Variants in PON2 observed in about 807,000 individuals in gnomAD.
PON2 encodes the protein paraoxonase 2.
A neutral mutation model predicts 36.6 loss-of-function variants in PON2; 27 were observed. That is an observed-to-expected ratio of 0.74 (90% CI 0.54 to 1.02). The LOEUF (loss-of-function observed/expected upper bound fraction) is 1.02. Among genes scored for constraint, PON2 ranks in the 50% least tolerant of loss-of-function variants. PON2 has a pLI of 0.00. For missense variants in PON2, 363 were observed against 421.1 expected (o/e 0.86, Z 1.21); for synonymous variants, 149 against 156.3 (o/e 0.95, Z 0.35).
intron 1 of PON2, 146 bp downstream of exon 1, chr7:95,434,732 G>GTTC: frequency 1.2e-6 from 1 of 804,074 alleles, no homozygotes; most frequent in Non-Finnish European, 1.9e-6. Flanking sequence ...CTAGCTGGGG[G>GTTC]AGGGACAGCA....
At chr7:95,417,268 G>C (rs1789083462) in intron 2 of PON2, among the ~76,000 whole-genome samples, 1 of 152,106 alleles carries the variant, frequency 6.6e-6, no homozygotes, top group Non-Finnish European at 1.5e-5. Flanking sequence ...CTCCAGTGTT[G>C]CTTGCTCCAT....
intron 2 of PON2, among the ~76,000 whole-genome samples, chr7:95,417,727 C>CACACACACACACACACACACT (rs1562788872): frequency 1.6e-3 from 129 of 80,254 alleles, no homozygotes; most frequent in African/African-American, 6.4e-3. Flanking sequence ...ACACACACAC[C>CACACACACACACACACACACT]GAGAGAGAAT....
rs1410148988 is a variant in PON2, at chr7:95,412,465, G to A, written c.214C>T (p.Pro72Ser). ...LAFFSVGLKF[P>S]GLHSFAPDKP... The stretch of plus-strand genomic sequence containing the variant: ...TCTGGTGCAAAGCTGTGGAGTCCTG[G>A]GAATTTTAGACCCTTTCCAAAACGG... The change falls in exon 4 of 9, where the codon CCA (proline) becomes TCA (serine). Residue 72 changes from proline to serine, a missense_variant. Physicochemically the swap from Pro to Ser is moderately conservative, Grantham distance 74. Transcript: ENST00000222572. The A allele has an allele frequency of 6.2e-7, 1 of 1,613,948 alleles. No homozygotes were observed. Among genetic ancestry groups the A allele is most frequent in the Non-Finnish European group, 8.5e-7 (1 of 1,179,928 alleles).
At position 95,420,538 on chromosome 7, in the gene PON2, T is replaced by C. The variant is rs369544381; in HGVS notation, c.145+3977A>G. On this transcript the variant is annotated intron_variant, in intron 2 of 8. Coordinates refer to ENST00000222572, the MANE Select transcript of PON2 (RefSeq NM_000305.3). ...ACCCACAGAAGGCACACATCCTGTA[T>C]GATATGTAGTCAATAACTATGATTT... Among the ~76,000 whole-genome samples, 73 of 152,352 alleles carry C rather than the reference T, an allele frequency of 4.8e-4. 1 individual carries two copies. The highest frequency in any genetic ancestry group is 1.7e-3 in the African/African-American group (72 of 41,578).
chr7:95,430,343 C>T (rs1172986668), intron 1 of PON2, among the ~76,000 whole-genome samples: 6 of 151,100 alleles, frequency 4.0e-5, no homozygotes, highest in Non-Finnish European at 7.4e-5. Context: ...GACAGAGTCT[C>T]GCTCTGTTGC....
intron 6 of PON2, among the ~76,000 whole-genome samples, chr7:95,408,582 C>G (rs1033536350): frequency 2.6e-5 from 4 of 152,114 alleles, no homozygotes; most frequent in African/African-American, 9.7e-5. Flanking sequence ...TGGATCAGGT[C>G]AGTTAGAGAC....
At chr7:95,427,891 G>T (rs1396206115) in intron 1 of PON2, among the ~76,000 whole-genome samples, 1 of 152,176 alleles carries the variant, frequency 6.6e-6, no homozygotes, top group Non-Finnish European at 1.5e-5. Flanking sequence ...AAATCTAAAA[G>T]TATTCATGTA....
At position 95,421,352 on chromosome 7, in the gene PON2, G is replaced by C. The variant is rs1468728594; in HGVS notation, c.145+3163C>G. On this transcript the variant is annotated intron_variant, in intron 2 of 8. Transcript: ENST00000222572. ...ACTCTGAGACTTGTATTCACAGAAG[G>C]TGGGCTTCCCAGGGCCAAGGGCTGT... Among the ~76,000 whole-genome samples, 5 of 152,218 alleles carry C rather than the reference G, an allele frequency of 3.3e-5. No individual in the cohort carries two copies. In the South Asian group the frequency reaches 1.0e-3, roughly 31 times the overall value.
chr7:95,416,200 G>A, intron 3 of PON2, 42 bp downstream of exon 3: 6 of 1,611,144 alleles, frequency 3.7e-6, no homozygotes, highest in Non-Finnish European at 5.1e-6. Context: ...AAATACCCTT[G>A]TATCTCCTCT....
At position 95,407,166 on chromosome 7, in the gene PON2, A is replaced by T. The variant is rs1434685373; in HGVS notation, c.696-98T>A. The T allele has an allele frequency of 2.1e-5, 16 of 777,910 alleles. No homozygotes were observed. In the East Asian group the frequency reaches 4.3e-4, roughly 21 times the overall value. The allele number at this position is 777,910 out of a possible 1,614,324, so 48.2% of individuals were successfully genotyped here. A position where few individuals can be genotyped will look rare whatever the true frequency, so the allele number is the denominator to read the frequency against. ...AGTCTTAATAACCTGCCAAGAAGTT[A>T]ATCAATCATGGGCCCTCAAGGAATG... On this transcript the variant is annotated intron_variant, in intron 6 of 8. Coordinates refer to ENST00000222572, the MANE Select transcript of PON2 (RefSeq NM_000305.3).
chr7:95,408,147 T>C (rs988062016), intron 6 of PON2, among the ~76,000 whole-genome samples: 1 of 152,240 alleles, frequency 6.6e-6, no homozygotes, highest in African/African-American at 2.4e-5. Context: ...TGTTCCACAA[T>C]TCCTGAGCAT....
intron 1 of PON2, among the ~76,000 whole-genome samples, chr7:95,428,858 G>A (rs1789373323): frequency 6.6e-6 from 1 of 152,172 alleles, no homozygotes; most frequent in South Asian, 2.1e-4. Flanking sequence ...CATTTATTGA[G>A]CTGACTGTGC....
chr7:95,426,523 C>T (rs537234500), intron 1 of PON2, among the ~76,000 whole-genome samples: 1 of 152,194 alleles, frequency 6.6e-6, no homozygotes, highest in South Asian at 2.1e-4. Context: ...GCAACTTAGC[C>T]AGAAGTGCTG....
Position 95,410,016 on chromosome 7 carries a change from C to T in PON2, c.580G>A (p.Glu194Lys), listed in dbSNP as rs1405844472. 6.2e-7 allele frequency: 1 copy of T among 1,613,362 alleles called. No individual in the cohort carries two copies. The highest frequency in any genetic ancestry group is 1.3e-5 in the African/African-American group (1 of 74,862). Residue 194 changes from glutamate (E) to lysine (K), a missense_variant, in exon 6 of 9, where the codon GAA becomes AAA. Physicochemically the swap from Glu to Lys is moderately conservative, Grantham distance 56. Coordinates refer to ENST00000222572, the MANE Select transcript of PON2 (RefSeq NM_000305.3). ...GCCCAGTGTAAGTTCAAGTATGTTT[C>T]TAAATACTTTAAGAAAGGATCAGAG... ...YFSDPFLKYL[E>K]TYLNLHWANV...
chr7:95,407,063 A>G lies in PON2; in HGVS notation c.701T>C (p.Ile234Thr). The part of the protein sequence containing the change: ...GINISPDDKY[I>T]YVADILAHEI... ...ATGAGCCAATATGTCAGCAACATAG[A>G]TATACCTTTGCAGAAAGGACACAGT... Residue 234 changes from isoleucine (I) to threonine (T), a missense_variant, in exon 7 of 9, where the codon ATC (isoleucine) becomes ACC (threonine). Transcript: ENST00000222572. The G allele has an allele frequency of 6.3e-7, 1 of 1,589,982 alleles. No homozygotes were observed. The highest frequency in any genetic ancestry group is 8.6e-7 in the Non-Finnish European group (1 of 1,158,550).
Position 95,424,549 on chromosome 7 carries a change from T to C in PON2, c.111A>G (p.Val37=). 6.2e-7 allele frequency: 1 copy of C among 1,613,480 alleles called. No individual in the cohort carries two copies. Among genetic ancestry groups the C allele is most frequent in the South Asian group, 1.1e-5 (1 of 91,072 alleles). The part of the protein sequence containing the change: ...RLKASREVES[V]DLPHCHLIKG... The stretch of plus-strand genomic sequence containing the variant: ...TAATCAGGTGGCAGTGTGGAAGGTC[T>C]ACAGATTCTACTTCTCTGGAGGCTT... Residue 37 remains valine (V), a synonymous_variant, in exon 2 of 9, where the codon GTA becomes GTG. Coordinates refer to ENST00000222572, the MANE Select transcript of PON2 (RefSeq NM_000305.3).
intron 1 of PON2, chr7:95,434,337 G>A (rs867236166): frequency 6.5e-6 from 1 of 152,718 alleles, no homozygotes; most frequent in Non-Finnish European, 1.5e-5. Context: ...GGCTTCCCTG[G>A]TGAATAAATA....
chr7:95,433,342 T>C (rs1055468301), intron 1 of PON2, among the ~76,000 whole-genome samples: 33 of 152,172 alleles, frequency 2.2e-4, no homozygotes, highest in Non-Finnish European at 2.8e-4. Flanking sequence ...TCAAGCAATC[T>C]TCTGGCTTAG....
intron 1 of PON2, chr7:95,434,414 A>T (rs1789513865): frequency 6.1e-6 from 1 of 164,034 alleles, no homozygotes; most frequent in Non-Finnish European, 1.3e-5. Context: ...TTCTCAAACT[A>T]TGCAGAAATG....
Sources: gnomAD v4.1 joint callset for allele counts (sites outside exome capture counted in the v4.1 genomes callset) on GRCh38, gnomAD v4.1.1 for gene constraint, MANE v1.5 for transcripts, NCBI Gene and HGNC (gene_info 2026-07-23, HGNC 2026-07-21) for gene names.